SGCZ: variants seen among roughly 807,000 people sequenced by gnomAD.
SGCZ encodes zeta-sarcoglycan.
In SGCZ, 40 loss-of-function variants were observed where a neutral mutation model predicts 41.3. The observed-to-expected ratio is 0.97, with a 90% CI of 0.75 to 1.26. The LOEUF is 1.26. Ranked by LOEUF, SGCZ falls within the 50% of genes most tolerant of loss-of-function variation. The probability of loss-of-function intolerance (pLI) is 0.00; values close to 1 mark genes in which losing one functional copy is unlikely to be tolerated. For missense variants in SGCZ, 552 were observed against 369.8 expected (o/e 1.49, Z -4.04); for synonymous variants, 206 against 137.5 (o/e 1.50, Z -3.49).
intron 2 of SGCZ, among the ~76,000 whole-genome samples, chr8:14,491,686 A>C (rs145919964): frequency 2.3e-3 from 346 of 152,330 alleles, no homozygotes; most frequent in Non-Finnish European, 3.7e-3. Flanking sequence ...ACGGAAAAGA[A>C]GACAAGAAAT....
intron 1 of SGCZ, among the ~76,000 whole-genome samples, chr8:14,564,504 CATATTA>C (rs1328225263): frequency 5.3e-5 from 8 of 152,106 alleles, no homozygotes; most frequent in Non-Finnish European, 1.2e-4. Context: ...AGCTCAAATG[CATATTA>C]CATTGACATA....
At chr8:14,494,133 T>C (rs1801921952) in intron 2 of SGCZ, among the ~76,000 whole-genome samples, 2 of 152,200 alleles carry the variant, frequency 1.3e-5, no homozygotes, top group South Asian at 4.1e-4. Context: ...CCCAACTCAC[T>C]GTTTCTATGA....
chr8:14,887,418 G>A (rs558402676), intron 1 of SGCZ, among the ~76,000 whole-genome samples: 3 of 151,754 alleles, frequency 2.0e-5, no homozygotes, highest in East Asian at 3.9e-4. Flanking sequence ...ACATCTTTAG[G>A]TATGCTAATG....
intron 1 of SGCZ, among the ~76,000 whole-genome samples, chr8:14,870,990 C>T (rs560696505): frequency 5.3e-5 from 8 of 152,004 alleles, no homozygotes; most frequent in African/African-American, 1.9e-4. Context: ...GGAGGATCAC[C>T]TGAAGTGAGG....
At chr8:14,916,861 A>T (rs567389882) in intron 1 of SGCZ, among the ~76,000 whole-genome samples, 163 of 152,058 alleles carry the variant, frequency 1.1e-3, no homozygotes, top group South Asian at 1.7e-3. Context: ...GTTATTTTTT[A>T]AAAAAAACAA....
intron 1 of SGCZ, among the ~76,000 whole-genome samples, chr8:14,922,658 C>T (rs977688029): frequency 6.6e-5 from 10 of 152,082 alleles, no homozygotes; most frequent in Non-Finnish European, 1.3e-4. Context: ...AAAACACTTA[C>T]AAATGAAATA....
chr8:14,188,821 TTTGTTTTTTTTTGTTTG>T (rs1264123046), intron 4 of SGCZ, among the ~76,000 whole-genome samples: 3 of 16,792 alleles, frequency 1.8e-4, no homozygotes, highest in South Asian at 1.7e-3. Flanking sequence ...TGTTTGTTTC[TTTGTTTTTTTTTGTTTG>T]TTTGTTTTTT....
intron 1 of SGCZ, among the ~76,000 whole-genome samples, chr8:15,009,195 G>A (rs981303506): frequency 7.5e-5 from 10 of 132,944 alleles, no homozygotes; most frequent in Admixed American, 7.1e-4. Flanking sequence ...AAGCATGGCT[G>A]GGGAGCCTCA....
chr8:14,461,877 T>C (rs369830911), intron 2 of SGCZ, among the ~76,000 whole-genome samples: 190 of 152,214 alleles, frequency 1.2e-3, no homozygotes, highest in East Asian at 9.7e-3. Flanking sequence ...ACAGGAGTTA[T>C]TGAGACAGCT....
intron 1 of SGCZ, among the ~76,000 whole-genome samples, chr8:15,085,018 A>G (rs1176265080): frequency 2.0e-5 from 3 of 152,184 alleles, no homozygotes; most frequent in African/African-American, 7.2e-5. Flanking sequence ...CCAAGTGACC[A>G]TGTAATTTGA....
At chr8:14,142,945 C>A (rs1190552206) in intron 5 of SGCZ, among the ~76,000 whole-genome samples, 2 of 151,186 alleles carry the variant, frequency 1.3e-5, no homozygotes, top group Non-Finnish European at 1.5e-5. Context: ...AGCCAGTATG[C>A]TTCCTGTATA....
In SGCZ at chr8:14,938,130, C is replaced by T. The variant is rs556451161; in HGVS notation, c.39+299455G>A. Reference sequence around the variant, plus strand: ...GTAAAATGTTTTTTGGTGTTGTTCACTGTTTTATATTGATTTATACAAGTT... The same window carrying T: ...GTAAAATGTTTTTTGGTGTTGTTCATTGTTTTATATTGATTTATACAAGTT... On this transcript the variant is annotated intron_variant, in intron 1 of 7. Transcript: ENST00000382080. Among the ~76,000 whole-genome samples the T allele has an allele frequency of 1.4e-4, 22 of 152,162 alleles. 1 individual carries two copies. In the South Asian group the frequency reaches 3.9e-3, roughly 27 times the overall value.
chr8:14,430,516 A>G (rs1481772504), intron 2 of SGCZ, among the ~76,000 whole-genome samples: 5 of 152,174 alleles, frequency 3.3e-5, no homozygotes, highest in Non-Finnish European at 5.9e-5. Flanking sequence ...GAAAACTCTC[A>G]GCAAAATCTG....
intron 1 of SGCZ, among the ~76,000 whole-genome samples, chr8:14,884,391 T>C (rs1318648950): frequency 6.6e-6 from 1 of 152,106 alleles, no homozygotes; most frequent in Non-Finnish European, 1.5e-5. Context: ...ATTATTTATA[T>C]ATCAGTATAA....
At chr8:14,809,757 T>C (rs894309599) in intron 1 of SGCZ, among the ~76,000 whole-genome samples, 7 of 152,122 alleles carry the variant, frequency 4.6e-5, no homozygotes, top group African/African-American at 1.2e-4. Context: ...CTGTGCACTA[T>C]CTGGGAAAAA....
intron 2 of SGCZ, among the ~76,000 whole-genome samples, chr8:14,326,180 G>A (rs113468127): frequency 6.3e-5 from 9 of 142,202 alleles, no homozygotes; most frequent in African/African-American, 1.5e-4. Flanking sequence ...GGATAAGCAA[G>A]CCCAACGTAG....
intron 3 of SGCZ, among the ~76,000 whole-genome samples, chr8:14,264,988 C>CAA (rs545721125): frequency 2.6e-4 from 39 of 151,762 alleles, no homozygotes; most frequent in African/African-American, 9.2e-4. Flanking sequence ...AACAAAAACA[C>CAA]AAAAAAACAA....
chr8:15,203,347 T>G (rs1800957670), intron 1 of SGCZ, among the ~76,000 whole-genome samples: 1 of 152,208 alleles, frequency 6.6e-6, no homozygotes, highest in Non-Finnish European at 1.5e-5. Context: ...TAGTGGGATT[T>G]TTATTTGGCT....
intron 1 of SGCZ, among the ~76,000 whole-genome samples, chr8:15,040,380 C>T (rs1804047302): frequency 6.6e-6 from 1 of 151,998 alleles, no homozygotes; most frequent in South Asian, 2.1e-4. Context: ...TTTGAAAGGC[C>T]GAGGCGGACG....
Sources: gnomAD v4.1 joint callset for allele counts (sites outside exome capture counted in the v4.1 genomes callset) on GRCh38, gnomAD v4.1.1 for gene constraint, MANE v1.5 for transcripts, NCBI Gene and HGNC (gene_info 2026-07-23, HGNC 2026-07-21) for gene names.